The following CALCOCO2 variants were observed in gnomAD, a reference collection of about 807,000 sequenced individuals.
CALCOCO2 encodes the protein calcium binding and coiled-coil domain 2, also known as calcium-binding and coiled-coil domain-containing protein 2.
In CALCOCO2, 42 loss-of-function variants were observed where a neutral mutation model predicts 62.5. The ratio of observed to expected loss-of-function variants is 0.67; its 90% CI spans 0.53 to 0.87. The LOEUF (loss-of-function observed/expected upper bound fraction) is 0.87. Among genes scored for constraint, CALCOCO2 ranks in the 40% least tolerant of loss-of-function variants. The pLI, the probability that CALCOCO2 is intolerant of heterozygous loss-of-function variation, is 0.00. For synonymous variants in CALCOCO2, 167 were observed against 173.0 expected (o/e 0.97, Z 0.27); for missense variants, 456 against 515.0 (o/e 0.89, Z 1.11).
intron 1 of CALCOCO2, among the ~76,000 whole-genome samples, chr17:48,837,345 C>T (rs1255100267): frequency 1.3e-5 from 2 of 152,012 alleles, no homozygotes; most frequent in East Asian, 1.9e-4. Context: ...ATTCCCCCAC[C>T]GTTGAAAAAC....
chr17:48,862,777 T>A, intron 12 of CALCOCO2, 61 bp from the exon 13 acceptor site: 9 of 1,383,302 alleles, frequency 6.5e-6, no homozygotes, highest in Non-Finnish European at 7.2e-6. Flanking sequence ...GAAGACAGGA[T>A]GGCCACATCT....
chr17:48,848,865 C>G, intron 4 of CALCOCO2: 2 of 478,128 alleles, frequency 4.2e-6, no homozygotes, highest in Non-Finnish European at 8.3e-6. Flanking sequence ...CATCATTTAA[C>G]AGGACACCTA....
chr17:48,861,194 C>T (rs781032858), intron 11 of CALCOCO2, among the ~76,000 whole-genome samples: 6 of 151,950 alleles, frequency 3.9e-5, no homozygotes, highest in Non-Finnish European at 7.4e-5. Flanking sequence ...GTGGTGAAAC[C>T]CTGTCTCTAC....
intron 2 of CALCOCO2, chr17:48,845,947 C>T (rs2040047359): frequency 1.8e-6 from 1 of 568,372 alleles, no homozygotes; most frequent in Non-Finnish European, 3.0e-6. Flanking sequence ...CTTTGAGCAA[C>T]AGATAGTAAA....
chr17:48,851,306 C>T (rs998898844), intron 6 of CALCOCO2, 129 bp downstream of exon 6: 1 of 670,106 alleles, frequency 1.5e-6, no homozygotes, highest in Non-Finnish European at 2.7e-6. Flanking sequence ...GATTCTCCAC[C>T]CTTTGAATCA....
At chr17:48,854,397 T>TATATATA (rs1491128634) in intron 9 of CALCOCO2, among the ~76,000 whole-genome samples, 1 of 1,756 alleles carries the variant, frequency 5.7e-4, no homozygotes, top group African/African-American at 9.3e-4. Context: ...TATATATATA[T>TATATATA]TTTTTTTTTT....
rs1006742035 is a variant in CALCOCO2, at chr17:48,853,032, G to C, written c.912+20G>C. 18 of 1,546,422 alleles carry C rather than the reference G, an allele frequency of 1.2e-5. No individual in the cohort carries two copies. The highest frequency in any genetic ancestry group is 1.4e-5 in the Non-Finnish European group (16 of 1,118,554). ...TTAATGGCATGTCTGTCTTTGGATG[G>C]TTATGTGGGAGGGAGCCTATAGGGA... is the stretch of plus-strand genomic sequence containing the variant. On this transcript the variant is annotated intron_variant, in intron 9 of 12. Transcript: ENST00000258947.
intron 10 of CALCOCO2, among the ~76,000 whole-genome samples, chr17:48,858,039 G>GAA (rs1251403784): frequency 0.12 from 2,431 of 20,386 alleles, 54 homozygotes; most frequent in East Asian, 0.24. Context: ...GAATAGAATA[G>GAA]AATAGAAAAT....
In CALCOCO2 at chr17:48,846,113, T is replaced by G. The variant is rs1363891946; in HGVS notation, c.181-1951T>G. 2.6e-6 allele frequency: 3 copies of G among 1,164,068 alleles called. No individual in the cohort carries two copies. The East Asian group carries it at 8.1e-5, about 31-fold the overall frequency. 72.1% of individuals were successfully genotyped at this position (1,164,068 alleles called of 1,614,324 possible). A position where few individuals can be genotyped will look rare whatever the true frequency, so the allele number is the denominator to read the frequency against. ...TGGCACCAGGTAGGTACTCAGTAAC[T>G]CTTTTTATTTTTTATTTATTTTTTA... On this transcript the variant is annotated intron_variant, in intron 2 of 12. Coordinates refer to ENST00000258947, the MANE Select transcript of CALCOCO2 (RefSeq NM_005831.5).
chr17:48,836,104 C>A (rs2039887472), intron 1 of CALCOCO2, among the ~76,000 whole-genome samples: 1 of 152,156 alleles, frequency 6.6e-6, no homozygotes, highest in Admixed American at 6.6e-5. Flanking sequence ...CTACCCCATG[C>A]CCTTAGCTGG....
chr17:48,849,012 A>G (rs2040090917), intron 4 of CALCOCO2, among the ~76,000 whole-genome samples: 1 of 152,216 alleles, frequency 6.6e-6, no homozygotes, highest in South Asian at 2.1e-4. Context: ...CTACATTCTT[A>G]TATCATTGTT....
chr17:48,854,378 T>TTTTATATATATATATATATATATATA (rs1489635512), intron 9 of CALCOCO2, among the ~76,000 whole-genome samples: 7 of 12,158 alleles, frequency 5.8e-4, no homozygotes, highest in East Asian at 8.9e-3. Flanking sequence ...TGGTTTTCTT[T>TTTTATATATATATATATATATATATA]TATTTATATA....
chr17:48,854,385 TA>T (rs2040178216), intron 9 of CALCOCO2, among the ~76,000 whole-genome samples: 1 of 5,590 alleles, frequency 1.8e-4, no homozygotes, highest in African/African-American at 2.5e-4. Context: ...CTTTTATTTA[TA>T]TATATATATA....
chr17:48,858,029 GA>G (rs1176370878), intron 10 of CALCOCO2, among the ~76,000 whole-genome samples: 1 of 20,328 alleles, frequency 4.9e-5, no homozygotes, highest in African/African-American at 1.0e-4. Flanking sequence ...GAATAGAATA[GA>G]ATAGAATAGA....
chr17:48,855,441 C>G (rs781733159), intron 9 of CALCOCO2, among the ~76,000 whole-genome samples: 1 of 152,164 alleles, frequency 6.6e-6, no homozygotes, highest in Non-Finnish European at 1.5e-5. Flanking sequence ...GGATGAAAAA[C>G]CACAACTAGT....
Position 48,863,215 on chromosome 17 carries a change from C to T in CALCOCO2, c.*210C>T, listed in dbSNP as rs1361195476. ...TCCTTGTGGGTTGCTACCTTTAAGTCGCATAACTCTAGCTGTATCATCCTC... is the reference window on the plus strand; with the variant it reads ...TCCTTGTGGGTTGCTACCTTTAAGTTGCATAACTCTAGCTGTATCATCCTC... On this transcript the variant is annotated 3_prime_UTR_variant, in exon 13 of 13. Coordinates refer to ENST00000258947, the MANE Select transcript of CALCOCO2 (RefSeq NM_005831.5). The T allele has an allele frequency of 1.9e-5, 10 of 520,550 alleles. No individual in the cohort carries two copies. Among genetic ancestry groups the T allele is most frequent in the Non-Finnish European group, 3.5e-5 (10 of 286,176 alleles). The allele number at this position is 520,550 out of a possible 1,614,324, so 32.2% of individuals were successfully genotyped here.
intron 2 of CALCOCO2, chr17:48,846,196 GT>G: frequency 3.2e-6 from 2 of 621,160 alleles, no homozygotes; most frequent in Non-Finnish European, 5.3e-6. Context: ...GAGTGCAGAG[GT>G]GCAATCTGGG....
Position 48,864,904 on chromosome 17 carries a change from T to C in CALCOCO2, c.*1899T>C, listed in dbSNP as rs1272722584. On this transcript the variant is annotated 3_prime_UTR_variant, in exon 13 of 13. Transcript: ENST00000258947. ...TACAGAATTTCTGTTGCTCCCCAGA[T>C]CCAGTGAAGAATTGCAGTTTCATTT... is the stretch of plus-strand genomic sequence containing the variant. The C allele has an allele frequency of 6.6e-6, 1 of 152,232 alleles. No homozygotes were observed. The highest frequency in any genetic ancestry group is 1.9e-4 in the East Asian group (1 of 5,202). The allele number at this position is 152,232 out of a possible 1,614,324, so 9.4% of individuals were successfully genotyped here. A position where few individuals can be genotyped will look rare whatever the true frequency, so the allele number is the denominator to read the frequency against.
Position 48,835,441 on chromosome 17 carries a change from A to T in CALCOCO2, c.-11+4363A>T, listed in dbSNP as rs953501665. On this transcript the variant is annotated intron_variant, in intron 1 of 12. Coordinates refer to ENST00000258947, the MANE Select transcript of CALCOCO2 (RefSeq NM_005831.5). ...TTATTTCAAGAATGATTGAGTTCTC[A>T]ATACCTCACATGCCATTGGATGCCC... Among the ~76,000 whole-genome samples, 4 of 152,204 alleles carry T rather than the reference A, an allele frequency of 2.6e-5. No homozygotes were observed. In the South Asian group the frequency reaches 8.3e-4, roughly 31 times the overall value.
Sources: gnomAD v4.1 joint callset for allele counts (sites outside exome capture counted in the v4.1 genomes callset) on GRCh38, gnomAD v4.1.1 for gene constraint, MANE v1.5 for transcripts, NCBI Gene and HGNC (gene_info 2026-07-23, HGNC 2026-07-21) for gene names.